RIN3: variants seen among roughly 807,000 people sequenced by gnomAD.
The protein encoded by RIN3 is Ras and Rab interactor 3.
In RIN3, 54 loss-of-function variants were observed where a neutral mutation model predicts 76.3. The ratio of observed to expected loss-of-function variants is 0.71; its 90% CI spans 0.57 to 0.89. The LOEUF (loss-of-function observed/expected upper bound fraction) is 0.89. Ranked by LOEUF, RIN3 falls within the 40% of genes least tolerant of loss-of-function variation. RIN3 has a pLI of 0.00. For missense variants in RIN3, 1,256 were observed against 1,322.1 expected, an observed-to-expected ratio of 0.95 and a Z score of 0.78; for synonymous variants, 576 against 564.0, an observed-to-expected ratio of 1.02 and a Z score of -0.30.
chr14:92,599,527 G>T (rs947992311), intron 3 of RIN3, among the ~76,000 whole-genome samples: 1 of 152,188 alleles, frequency 6.6e-6, no homozygotes, highest in Non-Finnish European at 1.5e-5. Context: ...CAGTTAGAGG[G>T]TAACAGCAAG....
chr14:92,623,866 A>T lies in RIN3; in HGVS notation c.440+8387A>T, dbSNP rs574825633. On this transcript the variant is annotated intron_variant, in intron 4 of 9. Transcript: ENST00000216487. The surrounding 1 kb of genome is among the most constrained non-coding windows in gnomAD (Gnocchi z 4.9). ...GTGAGAGACAGGAAGTAAACTTGGC[A>T]TCTGGAGATGGAGGCTGGATGGCCC... Among the ~76,000 whole-genome samples, 3 of 152,392 alleles carry T rather than the reference A, an allele frequency of 2.0e-5. No individual in the cohort carries two copies. In the South Asian group the frequency reaches 6.2e-4, roughly 32 times the overall value.
At chr14:92,605,453 A>G (rs1022550054) in intron 3 of RIN3, among the ~76,000 whole-genome samples, 4 of 152,232 alleles carry the variant, frequency 2.6e-5, no homozygotes, top group African/African-American at 4.8e-5. Flanking sequence ...AAGTATGTGT[A>G]TGCTTCAAAA....
intron 2 of RIN3, among the ~76,000 whole-genome samples, chr14:92,563,043 T>C (rs1365662169): frequency 6.6e-6 from 1 of 152,122 alleles, no homozygotes; most frequent in Admixed American, 6.6e-5. Flanking sequence ...GAGTACCGAT[T>C]CTGTTGAGTA....
At chr14:92,622,519 T>C (rs1886217758) in intron 4 of RIN3, among the ~76,000 whole-genome samples, 1 of 152,208 alleles carries the variant, frequency 6.6e-6, no homozygotes, top group Non-Finnish European at 1.5e-5. Context: ...AATTTACTTC[T>C]GTAGAAGGGC....
chr14:92,519,061 G>A (rs1297845151), intron 1 of RIN3, among the ~76,000 whole-genome samples: 1 of 152,056 alleles, frequency 6.6e-6, no homozygotes, highest in Admixed American at 6.6e-5. Flanking sequence ...GTCCCTGCTC[G>A]CTCTGACAGT....
intron 5 of RIN3, among the ~76,000 whole-genome samples, chr14:92,650,635 T>C (rs1887381026): frequency 6.6e-6 from 1 of 152,182 alleles, no homozygotes; most frequent in South Asian, 2.1e-4. Context: ...CTTGTTTCTC[T>C]CCAGGAGGAA....
chr14:92,606,828 A>G (rs1219165394), intron 3 of RIN3, among the ~76,000 whole-genome samples: 1 of 152,246 alleles, frequency 6.6e-6, no homozygotes, highest in Non-Finnish European at 1.5e-5. Flanking sequence ...GTCACTTTGG[A>G]AAACAGTTTG....
intron 4 of RIN3, among the ~76,000 whole-genome samples, chr14:92,639,260 G>A (rs186110000): frequency 1.1e-3 from 172 of 152,344 alleles, no homozygotes; most frequent in African/African-American, 3.6e-3. Flanking sequence ...AGCTCTGGCC[G>A]AGGCCATGGT....
intron 3 of RIN3, among the ~76,000 whole-genome samples, chr14:92,580,660 A>G (rs780151325): frequency 1.3e-5 from 2 of 152,206 alleles, no homozygotes; most frequent in Non-Finnish European, 2.9e-5. Context: ...AGGAACAGGG[A>G]CCCCAATGGA....
chr14:92,584,770 CTT>C (rs1884706982), intron 3 of RIN3, among the ~76,000 whole-genome samples: 1 of 152,180 alleles, frequency 6.6e-6, no homozygotes, highest in Admixed American at 6.5e-5. Flanking sequence ...ACACTAGCTA[CTT>C]TTTCATTGAT....
At chr14:92,578,133 G>A (rs1898311991) in intron 3 of RIN3, among the ~76,000 whole-genome samples, 1 of 152,012 alleles carries the variant, frequency 6.6e-6, no homozygotes. Context: ...CTACTTGGGA[G>A]GCTGAGGTGG....
intron 1 of RIN3, among the ~76,000 whole-genome samples, chr14:92,535,520 C>T (rs970379786): frequency 2.6e-5 from 4 of 151,800 alleles, no homozygotes; most frequent in African/African-American, 4.8e-5. Flanking sequence ...TTAAGATTGG[C>T]GGGTGTGGGT....
chr14:92,591,976 G>T (rs989990476), intron 3 of RIN3, among the ~76,000 whole-genome samples: 7 of 152,196 alleles, frequency 4.6e-5, no homozygotes, highest in African/African-American at 1.7e-4. Context: ...ATAACAGTTT[G>T]TTGGAAATAA....
intron 7 of RIN3, among the ~76,000 whole-genome samples, chr14:92,672,784 C>T (rs1467484386): frequency 6.6e-6 from 1 of 151,994 alleles, no homozygotes; most frequent in Non-Finnish European, 1.5e-5. Flanking sequence ...TTTTATCACC[C>T]CAAAAAGAAA....
rs4900141 is a variant in RIN3, at chr14:92,685,875, A to G, written c.2631+725A>G. ...CCCTGATACACACACACACCGTTTC[A>G]CACAGGCTGGGTGGGGTGCCCTCCT... On this transcript the variant is annotated intron_variant, in intron 9 of 9. Transcript: ENST00000216487. This position sits in a 1 kb window ranked among gnomAD's most constrained non-coding sequence, Gnocchi z 4.7. 0.65 allele frequency: 98,970 copies of G among 152,356 alleles called. 32,507 individuals are homozygous for G. The highest frequency in any genetic ancestry group is 0.82 in the East Asian group (4,234 of 5,164). 9.4% of individuals were successfully genotyped at this position (152,356 alleles called of 1,614,324 possible).
chr14:92,585,071 A>G (rs974156572), intron 3 of RIN3, among the ~76,000 whole-genome samples: 1 of 152,114 alleles, frequency 6.6e-6, no homozygotes, highest in South Asian at 2.1e-4. Flanking sequence ...CGGTGGCGCA[A>G]TCATAGCTCA....
chr14:92,536,814 C>T (rs8008517), intron 1 of RIN3, among the ~76,000 whole-genome samples: 44,844 of 151,078 alleles, frequency 0.3, 7,495 homozygotes, highest in Middle Eastern at 0.41. Flanking sequence ...TTCTGTAGCC[C>T]TACTGACTAT....
chr14:92,688,186 CGGT>C lies in RIN3; in HGVS notation c.2898_2900del (p.Gly972del), dbSNP rs535272965. 1,667 of 1,541,422 alleles carry C rather than the reference CGGT, an allele frequency of 1.1e-3. 8 individuals carry two copies. Among genetic ancestry groups the C allele is most frequent in the East Asian group, 2.9e-3 (122 of 41,708 alleles). ...TCCACTTTGTCTACCGGCCCCTGGACGGTGGTGGCGGCGGCGGCGGCGGGAGCC... is the reference window on the plus strand; with the variant it reads ...TCCACTTTGTCTACCGGCCCCTGGACGGTGGCGGCGGCGGCGGCGGGAGCC... On this transcript the variant is annotated inframe_deletion, in exon 10 of 10. Transcript: ENST00000216487.
At chr14:92,529,019 A>G (rs983406871) in intron 1 of RIN3, among the ~76,000 whole-genome samples, 3 of 152,204 alleles carry the variant, frequency 2.0e-5, no homozygotes, top group South Asian at 2.1e-4. Flanking sequence ...CTGGGCTCCA[A>G]GGAGGGAGGT....
Sources: gnomAD v4.1 joint callset for allele counts (sites outside exome capture counted in the v4.1 genomes callset) on GRCh38, gnomAD v4.1.1 for gene constraint, Gnocchi (gnomAD v3.1) non-coding constraint, MANE v1.5 for transcripts, NCBI Gene and HGNC (gene_info 2026-07-23, HGNC 2026-07-21) for gene names.